The following CNTNAP4 variants were observed in gnomAD, a reference collection of about 807,000 sequenced individuals.
The protein encoded by CNTNAP4 is contactin-associated protein-like 4.
Under a neutral mutation model 148.4 loss-of-function variants are expected in CNTNAP4, and 98 were observed. That is an observed-to-expected ratio of 0.66 (90% CI 0.56 to 0.78). The LOEUF (loss-of-function observed/expected upper bound fraction) is 0.78, where lower values mean the gene tolerates loss of function less well. CNTNAP4 is among the 30% of genes least tolerant of loss of function. The pLI is 0.00. For missense variants in CNTNAP4, 1,935 were observed against 1,565.6 expected, an observed-to-expected ratio of 1.24 and a Z score of -3.98; for synonymous variants, 730 against 565.1, an observed-to-expected ratio of 1.29 and a Z score of -4.14.
intron 15 of CNTNAP4, among the ~76,000 whole-genome samples, chr16:76,516,616 CA>C (rs2144055709): frequency 6.6e-6 from 1 of 152,280 alleles, no homozygotes; most frequent in Admixed American, 6.5e-5. Flanking sequence ...CAGATGTTGA[CA>C]AAAGCTTTAT....
At chr16:76,295,513 C>G (rs1435514696) in intron 1 of CNTNAP4, among the ~76,000 whole-genome samples, 5 of 152,108 alleles carry the variant, frequency 3.3e-5, no homozygotes, top group African/African-American at 1.2e-4. Flanking sequence ...TGGAGTCTAA[C>G]TTGAGTCCAC....
intron 21 of CNTNAP4, among the ~76,000 whole-genome samples, chr16:76,549,018 A>G (rs922982659): frequency 4.6e-5 from 7 of 152,034 alleles, no homozygotes; most frequent in African/African-American, 1.7e-4. Flanking sequence ...TCCGATTCGA[A>G]TTCTACCCCA....
intron 2 of CNTNAP4, among the ~76,000 whole-genome samples, chr16:76,323,410 G>A (rs1460205500): frequency 6.6e-6 from 1 of 151,770 alleles, no homozygotes; most frequent in Non-Finnish European, 1.5e-5. Context: ...TTAATTTTAT[G>A]ATCAGTGATG....
chr16:76,342,646 G>C lies in CNTNAP4; in HGVS notation c.197-12672G>C, dbSNP rs59679525. On this transcript the variant is annotated intron_variant, in intron 2 of 23. Transcript: ENST00000611870. ...CGCCACCACGCTTGGCTAATTTGTT[G>C]TATTTTTAGTACTGGCGGGGTTTCA... Among the ~76,000 whole-genome samples the C allele has an allele frequency of 4.7e-3, 710 of 151,830 alleles. 2 individuals are homozygous for C. The highest frequency in any genetic ancestry group is 0.015 in the African/African-American group (638 of 41,452).
intron 15 of CNTNAP4, 128 bp from the exon 16 acceptor site, chr16:76,521,012 C>A (rs1223773116): frequency 1.3e-6 from 1 of 798,392 alleles, no homozygotes; most frequent in Non-Finnish European, 2.0e-6. Context: ...AAAAAAAGAG[C>A]AGATTTGTAT....
intron 21 of CNTNAP4, among the ~76,000 whole-genome samples, chr16:76,541,424 A>G (rs1353491281): frequency 2.6e-5 from 4 of 152,232 alleles, no homozygotes; most frequent in African/African-American, 9.6e-5. Flanking sequence ...CAAGGATTAA[A>G]TTGAAAAGTA....
At position 76,498,685 on chromosome 16, in the gene CNTNAP4, C is replaced by T. The variant is rs774086024; in HGVS notation, c.2356C>T (p.Gln786Ter). Residue 786 changes from glutamine to a stop codon, truncating the protein, a stop_gained, in exon 15 of 24, where the codon CAG becomes TAG. Transcript: ENST00000611870. LOFTEE classifies it high-confidence loss of function. ...TTATAAACTGGGGCCTCTGCTCTGC[C>T]AGGGAGACAGTAAGTGGTTACAATG... ...AAYKLGPLLCQGDRSFWNSAS... is the reference protein window; with the variant it reads ...AAYKLGPLLC The T allele has an allele frequency of 1.5e-5, 24 of 1,607,266 alleles. No individual in the cohort carries two copies. Among genetic ancestry groups the T allele is most frequent in the African/African-American group, 2.7e-5 (2 of 74,594 alleles).
chr16:76,486,500 CAGACA>C (rs1457988128), intron 12 of CNTNAP4, among the ~76,000 whole-genome samples: 4 of 151,740 alleles, frequency 2.6e-5, no homozygotes, highest in African/African-American at 9.7e-5. Flanking sequence ...TGCTTGTCTA[CAGACA>C]AGACAAGAAT....
chr16:76,500,213 C>T (rs1320303916), intron 15 of CNTNAP4, among the ~76,000 whole-genome samples: 2 of 151,890 alleles, frequency 1.3e-5, no homozygotes, highest in African/African-American at 2.4e-5. Context: ...CCGGACGGGG[C>T]GGCTGGCCTG....
At position 76,330,030 on chromosome 16, in the gene CNTNAP4, A is replaced by G. The variant is rs542960446; in HGVS notation, c.196+13507A>G. The stretch of plus-strand genomic sequence containing the variant: ...TTCCCACACCTGTGCTAAAGGAAAA[A>G]CACATCTCAACAATCTTCTTTCTGG... On this transcript the variant is annotated intron_variant, in intron 2 of 23. Coordinates refer to ENST00000611870, the MANE Select transcript of CNTNAP4 (RefSeq NM_033401.5). 9.9e-5 allele frequency among the ~76,000 whole-genome samples: 15 copies of G among 152,264 alleles called. No homozygotes were observed. The East Asian group carries it at 1.7e-3, about 18-fold the overall frequency.
intron 3 of CNTNAP4, among the ~76,000 whole-genome samples, chr16:76,402,513 A>G (rs973916757): frequency 1.3e-5 from 2 of 151,980 alleles, no homozygotes; most frequent in Non-Finnish European, 2.9e-5. Context: ...AACCTCCTGA[A>G]TTTGTTGAAC....
At chr16:76,510,415 G>T (rs937806757) in intron 15 of CNTNAP4, among the ~76,000 whole-genome samples, 3 of 150,930 alleles carry the variant, frequency 2.0e-5, no homozygotes, top group East Asian at 3.9e-4. Context: ...GGACATTTGG[G>T]CTGGATCCAC....
At chr16:76,361,533 A>T (rs919220201) in intron 3 of CNTNAP4, among the ~76,000 whole-genome samples, 1 of 152,140 alleles carries the variant, frequency 6.6e-6, no homozygotes, top group Non-Finnish European at 1.5e-5. Context: ...TCATGTAAAT[A>T]CCACAATTTT....
chr16:76,474,528 A>T (rs745375474), intron 10 of CNTNAP4, among the ~76,000 whole-genome samples: 10 of 152,282 alleles, frequency 6.6e-5, no homozygotes, highest in Non-Finnish European at 1.5e-4. Flanking sequence ...GCAAAACGGG[A>T]AGTTCTCATC....
chr16:76,314,291 G>A (rs191373930), intron 1 of CNTNAP4, among the ~76,000 whole-genome samples: 41 of 152,274 alleles, frequency 2.7e-4, no homozygotes, highest in Middle Eastern at 3.4e-3. Flanking sequence ...TGAATCTTGC[G>A]AAAGAAAGCT....
intron 1 of CNTNAP4, among the ~76,000 whole-genome samples, chr16:76,296,257 G>A (rs2143880245): frequency 6.6e-6 from 1 of 152,240 alleles, no homozygotes; most frequent in Non-Finnish European, 1.5e-5. Context: ...GGTTTCATAG[G>A]TGATTCTTCC....
intron 2 of CNTNAP4, among the ~76,000 whole-genome samples, chr16:76,317,172 A>G (rs1383653009): frequency 6.6e-6 from 1 of 150,990 alleles, no homozygotes; most frequent in Non-Finnish European, 1.5e-5. Context: ...CAGGAGTATC[A>G]CTGAACTCAG....
intron 2 of CNTNAP4, among the ~76,000 whole-genome samples, chr16:76,335,062 G>T (rs946108918): frequency 6.6e-6 from 1 of 152,082 alleles, no homozygotes; most frequent in African/African-American, 2.4e-5. Flanking sequence ...ACAGAAGAGA[G>T]TTGGGAGACG....
intron 23 of CNTNAP4, chr16:76,557,772 A>G (rs1489518003): frequency 1.3e-5 from 2 of 152,194 alleles, no homozygotes; most frequent in Admixed American, 1.3e-4. Flanking sequence ...AGTGAAAAAG[A>G]CATCTTAGAA....
Sources: allele counts gnomAD v4.1 joint callset (sites outside exome capture counted in the v4.1 genomes callset), GRCh38; gene constraint gnomAD v4.1.1; transcripts MANE v1.5; gene names NCBI Gene and HGNC (gene_info 2026-07-23, HGNC 2026-07-21).